The following PDZD2 variants were observed in gnomAD, a reference collection of about 807,000 sequenced individuals.
PDZD2 encodes PDZ domain-containing protein 2.
A neutral mutation model predicts 220.7 loss-of-function variants in PDZD2; 90 were observed. That is an observed-to-expected ratio of 0.41 (90% CI 0.34 to 0.49). PDZD2 has a LOEUF of 0.49. Ranked by LOEUF, PDZD2 falls within the 20% of genes least tolerant of loss-of-function variation. The pLI is 0.28. For synonymous variants in PDZD2, 1,375 were observed against 1,450.5 expected (o/e 0.95, Z 1.18); for missense variants, 3,174 against 3,608.5 (o/e 0.88, Z 3.08).
At position 32,087,585 on chromosome 5, in the gene PDZD2, G is replaced by A. The variant is rs764800054; in HGVS notation, c.4137G>A (p.Leu1379=). 26 of 1,613,960 alleles carry A rather than the reference G, an allele frequency of 1.6e-5. No homozygotes were observed. In the East Asian group the frequency reaches 5.6e-4, roughly 35 times the overall value. Residue 1379 remains leucine (L), a synonymous_variant, in exon 20 of 25, where the codon CTG becomes CTA. Transcript: ENST00000438447. The surrounding 1 kb of genome is among the most constrained non-coding windows in gnomAD (Gnocchi z 4.0). ...APESSQEPSL[L]EGADSVSSRA... ...AAAGCTCCCAGGAGCCTTCCCTGCT[G>A]GAGGGAGCAGATTCTGTGTCCTCAA...
intron 2 of PDZD2, among the ~76,000 whole-genome samples, chr5:31,928,766 C>T (rs115464921): frequency 0.019 from 2,897 of 152,172 alleles, 92 homozygotes; most frequent in African/African-American, 0.066. Context: ...GCCACGATGC[C>T]GGGCCAAGAA....
chr5:31,754,051 G>T (rs978511924), intron 1 of PDZD2, among the ~76,000 whole-genome samples: 21 of 152,310 alleles, frequency 1.4e-4, no homozygotes, highest in African/African-American at 5.1e-4. Context: ...CTTGAACTCT[G>T]TATCACAGGC....
chr5:31,800,502 G>A (rs12697260), intron 2 of PDZD2, among the ~76,000 whole-genome samples: 21,651 of 152,148 alleles, frequency 0.14, 1,724 homozygotes, highest in Middle Eastern at 0.19. Context: ...TCAAACTAAT[G>A]CCACATGACC....
chr5:31,866,406 T>G (rs1047417993), intron 2 of PDZD2, among the ~76,000 whole-genome samples: 1 of 152,106 alleles, frequency 6.6e-6, no homozygotes, highest in Non-Finnish European at 1.5e-5. Flanking sequence ...GCAGCTGAGC[T>G]CAGACTCTTA....
intron 2 of PDZD2, among the ~76,000 whole-genome samples, chr5:31,954,449 G>C (rs935495926): frequency 2.9e-4 from 44 of 152,048 alleles, no homozygotes; most frequent in African/African-American, 9.9e-4. Context: ...TGTTGTTGTG[G>C]TTGATACCCT....
chr5:31,991,382 A>G (rs945240972), intron 3 of PDZD2, among the ~76,000 whole-genome samples: 2 of 152,174 alleles, frequency 1.3e-5, no homozygotes, highest in Non-Finnish European at 2.9e-5. Flanking sequence ...TTTCGGAAGT[A>G]GACTCTACAG....
At chr5:31,720,464 C>T (rs1748723205) in intron 1 of PDZD2, among the ~76,000 whole-genome samples, 1 of 152,220 alleles carries the variant, frequency 6.6e-6, no homozygotes, top group African/African-American at 2.4e-5. Context: ...CCCTTTGCCT[C>T]TGAAGATTCA....
At position 32,087,125 on chromosome 5, in the gene PDZD2, A is replaced by C. The variant is rs746582194; in HGVS notation, c.3683-6A>C. ...TATGTACCTTCTGTTTACGTTCCCC[A>C]CGTAGAACTGGACAGCTCCTCAGAC... On this transcript the variant is annotated splice_polypyrimidine_tract_variant and splice_region_variant and intron_variant, in intron 19 of 24. Transcript: ENST00000438447. This position sits in a 1 kb window ranked among gnomAD's most constrained non-coding sequence, Gnocchi z 4.0. 1 of 1,575,760 alleles carries C rather than the reference A, an allele frequency of 6.3e-7. No individual in the cohort carries two copies. The highest frequency in any genetic ancestry group is 2.2e-5 in the East Asian group (1 of 44,528).
At chr5:31,763,870 TAAAAAAA>T (rs67321443) in intron 1 of PDZD2, among the ~76,000 whole-genome samples, 1 of 137,536 alleles carries the variant, frequency 7.3e-6, no homozygotes, top group East Asian at 2.1e-4. Context: ...GCCCTCTGAT[TAAAAAAA>T]AAAAAAAAAA....
intron 2 of PDZD2, among the ~76,000 whole-genome samples, chr5:31,856,986 T>C (rs1038598035): frequency 6.6e-6 from 1 of 151,838 alleles, no homozygotes; most frequent in African/African-American, 2.4e-5. Context: ...GGGACAGTAC[T>C]CACTCACCTT....
At chr5:31,685,551 T>C (rs1746821984) in intron 1 of PDZD2, among the ~76,000 whole-genome samples, 1 of 152,098 alleles carries the variant, frequency 6.6e-6, no homozygotes, top group Admixed American at 6.5e-5. Flanking sequence ...TGAGACAGGG[T>C]CTTACTCTGT....
At chr5:31,760,750 C>T (rs899645529) in intron 1 of PDZD2, among the ~76,000 whole-genome samples, 1 of 151,912 alleles carries the variant, frequency 6.6e-6, no homozygotes, top group African/African-American at 2.4e-5. Context: ...GGTGAAACCC[C>T]CATCTCTATG....
intron 6 of PDZD2, among the ~76,000 whole-genome samples, chr5:32,021,472 T>G (rs1019170683): frequency 2.3e-4 from 35 of 151,546 alleles, no homozygotes; most frequent in Non-Finnish European, 5.9e-5. Flanking sequence ...GATTTTTGTA[T>G]TTTTTAGTAG....
chr5:32,058,119 C>T lies in PDZD2; in HGVS notation c.2200+16C>T. ...CTCAACAAAGGTGATAGCAGCTATT[C>T]CTTACCTTTGTCTCATTTCTTGAAT... On this transcript the variant is annotated intron_variant, in intron 12 of 24. Coordinates refer to ENST00000438447, the MANE Select transcript of PDZD2 (RefSeq NM_178140.4). 3 of 1,236,424 alleles carry T rather than the reference C, an allele frequency of 2.4e-6. No individual in the cohort carries two copies. The highest frequency in any genetic ancestry group is 3.6e-6 in the Non-Finnish European group (3 of 836,270). 76.6% of individuals were successfully genotyped at this position (1,236,424 alleles called of 1,614,324 possible). A position where few individuals can be genotyped will look rare whatever the true frequency, so the allele number is the denominator to read the frequency against.
At chr5:31,897,656 C>G (rs17508998) in intron 2 of PDZD2, among the ~76,000 whole-genome samples, 21,047 of 151,916 alleles carry the variant, frequency 0.14, 1,604 homozygotes, top group Middle Eastern at 0.22. Context: ...CAACAACCAA[C>G]AAATCAGTCT....
At chr5:32,057,600 A>C (rs1219588318) in intron 10 of PDZD2, 55 bp from the exon 11 acceptor site, 2 of 1,035,232 alleles carry the variant, frequency 1.9e-6, no homozygotes, top group African/African-American at 3.2e-5. Context: ...CTGAGCAGTT[A>C]AATTCCAGGA....
intron 2 of PDZD2, among the ~76,000 whole-genome samples, chr5:31,960,307 C>A (rs974850858): frequency 6.6e-6 from 1 of 152,020 alleles, no homozygotes; most frequent in Non-Finnish European, 1.5e-5. Flanking sequence ...ACCTCCACCC[C>A]CCAGGTTCAA....
intron 2 of PDZD2, among the ~76,000 whole-genome samples, chr5:31,896,819 T>C (rs1055760194): frequency 1.3e-5 from 2 of 152,184 alleles, no homozygotes; most frequent in African/African-American, 4.8e-5. Flanking sequence ...TAGCCAGGCA[T>C]GGTGCCATGC....
intron 2 of PDZD2, among the ~76,000 whole-genome samples, chr5:31,973,574 G>A (rs1020117018): frequency 6.6e-6 from 1 of 152,206 alleles, no homozygotes; most frequent in Non-Finnish European, 1.5e-5. Context: ...AAAGGTGGAG[G>A]ATGGACACTT....
Sources: allele counts gnomAD v4.1 joint callset (sites outside exome capture counted in the v4.1 genomes callset), GRCh38; gene constraint gnomAD v4.1.1; non-coding constraint Gnocchi (gnomAD v3.1); transcripts MANE v1.5; gene names NCBI Gene and HGNC (gene_info 2026-07-23, HGNC 2026-07-21).